The following KCND2 variants were observed in gnomAD, a reference collection of about 807,000 sequenced individuals.
KCND2 encodes the protein potassium voltage-gated channel subfamily D member 2.
A neutral mutation model predicts 54.4 loss-of-function variants in KCND2; 16 were observed. The ratio of observed to expected loss-of-function variants is 0.29; its 90% confidence interval spans 0.20 to 0.45. The LOEUF (loss-of-function observed/expected upper bound fraction) is 0.45, where lower values mean the gene tolerates loss of function less well. Ranked by LOEUF, KCND2 falls within the 20% of genes least tolerant of loss-of-function variation. The pLI is 1.00. For missense variants in KCND2, 486 were observed against 824.2 expected (o/e 0.59, Z 5.02); for synonymous variants, 317 against 310.7 (o/e 1.02, Z -0.21).
chr7:120,736,459 A>G (rs534987841), intron 2 of KCND2, among the ~76,000 whole-genome samples: 1 of 152,014 alleles, frequency 6.6e-6, no homozygotes, highest in African/African-American at 2.4e-5. Flanking sequence ...TACTATAAGT[A>G]TTTACTGAGT....
intron 1 of KCND2, among the ~76,000 whole-genome samples, chr7:120,289,034 A>G (rs1799390706): frequency 3.1e-5 from 1 of 31,842 alleles, no homozygotes; most frequent in African/African-American, 5.4e-5. Flanking sequence ...GGGCAGAGAC[A>G]CAAACACACA....
chr7:120,728,606 G>C (rs1251348310), intron 1 of KCND2, among the ~76,000 whole-genome samples: 1 of 151,880 alleles, frequency 6.6e-6, no homozygotes, highest in Non-Finnish European at 1.5e-5. Flanking sequence ...TTATGTTTTT[G>C]CGAATTCATT....
At position 120,365,677 on chromosome 7, in the gene KCND2, A is replaced by G. The variant is rs533942922; in HGVS notation, c.1115+89930A>G. Among the ~76,000 whole-genome samples the G allele has an allele frequency of 3.8e-4, 58 of 152,254 alleles. No individual in the cohort carries two copies. In the South Asian group the frequency reaches 0.012, roughly 32 times the overall value. On this transcript the variant is annotated intron_variant, in intron 1 of 5. Transcript: ENST00000331113. ...TTGAGATGTCAATCGTACAATTACT[A>G]AATACTTTTTGACGTGCATGGTTAA...
At chr7:120,667,942 A>G (rs1446321514) in intron 1 of KCND2, among the ~76,000 whole-genome samples, 1 of 152,034 alleles carries the variant, frequency 6.6e-6, no homozygotes, top group East Asian at 1.9e-4. Flanking sequence ...TTGTATTCTG[A>G]CAGCCCTAAC....
intron 1 of KCND2, among the ~76,000 whole-genome samples, chr7:120,538,279 C>T (rs1004679903): frequency 2.6e-5 from 4 of 152,090 alleles, no homozygotes; most frequent in African/African-American, 4.8e-5. Context: ...GGACACAATT[C>T]GTGACACCTG....
At chr7:120,616,968 A>G (rs1793033270) in intron 1 of KCND2, among the ~76,000 whole-genome samples, 1 of 152,192 alleles carries the variant, frequency 6.6e-6, no homozygotes, top group African/African-American at 2.4e-5. Context: ...CAAACAACTG[A>G]TCATTGGGGT....
In KCND2 at chr7:120,588,557, A is replaced by G. The variant is rs150028342; in HGVS notation, c.1116-144346A>G. ...GAAAGCTGCTTGTAGAAAGATAAGC[A>G]GAGCACTATTCACCCTGCTGTTTAC... On this transcript the variant is annotated intron_variant, in intron 1 of 5. Coordinates refer to ENST00000331113, the MANE Select transcript of KCND2 (RefSeq NM_012281.3). 4.4e-3 allele frequency among the ~76,000 whole-genome samples: 665 copies of G among 152,242 alleles called. 3 individuals are homozygous for G. The Middle Eastern group carries it at 0.048, about 11-fold the overall frequency.
At chr7:120,372,139 A>G (rs1222661614) in intron 1 of KCND2, among the ~76,000 whole-genome samples, 1 of 151,906 alleles carries the variant, frequency 6.6e-6, no homozygotes, top group African/African-American at 2.4e-5. Context: ...TTTTAGATAT[A>G]AGGTATAAGA....
At chr7:120,565,701 G>A (rs1792288222) in intron 1 of KCND2, among the ~76,000 whole-genome samples, 1 of 152,178 alleles carries the variant, frequency 6.6e-6, no homozygotes, top group Non-Finnish European at 1.5e-5. Flanking sequence ...AAAGTGTCAT[G>A]AGACTTCTTT....
At chr7:120,276,869 G>A (rs564728677) in intron 1 of KCND2, among the ~76,000 whole-genome samples, 1 of 152,098 alleles carries the variant, frequency 6.6e-6, no homozygotes, top group Non-Finnish European at 1.5e-5. Flanking sequence ...GGGGAGTGAT[G>A]TGAGTGCCTT....
chr7:120,348,779 G>C (rs1800360854), intron 1 of KCND2, among the ~76,000 whole-genome samples: 1 of 152,090 alleles, frequency 6.6e-6, no homozygotes, highest in African/African-American at 2.4e-5. Flanking sequence ...TTTACTTTTA[G>C]AAAAAGAATA....
intron 1 of KCND2, among the ~76,000 whole-genome samples, chr7:120,434,832 G>C (rs1024682297): frequency 1.3e-5 from 2 of 151,294 alleles, no homozygotes; most frequent in Non-Finnish European, 2.9e-5. Context: ...AAAAAAAATA[G>C]ACTTTTCCAG....
intron 1 of KCND2, among the ~76,000 whole-genome samples, chr7:120,629,038 C>T (rs752430046): frequency 6.6e-6 from 1 of 152,066 alleles, no homozygotes; most frequent in Non-Finnish European, 1.5e-5. Context: ...AAGGGGTTTA[C>T]GGAAGAACGC....
intron 1 of KCND2, among the ~76,000 whole-genome samples, chr7:120,338,475 A>C (rs1404206384): frequency 6.6e-6 from 1 of 152,002 alleles, no homozygotes; most frequent in African/African-American, 2.4e-5. Context: ...TTTAATGTGA[A>C]GATAGATTTT....
At chr7:120,692,043 A>C (rs1792276566) in intron 1 of KCND2, among the ~76,000 whole-genome samples, 1 of 152,188 alleles carries the variant, frequency 6.6e-6, no homozygotes, top group Non-Finnish European at 1.5e-5. Context: ...TTTTGGTGAA[A>C]TCATGGGGTA....
At chr7:120,495,061 T>C (rs1307155774) in intron 1 of KCND2, among the ~76,000 whole-genome samples, 1 of 152,206 alleles carries the variant, frequency 6.6e-6, no homozygotes, top group Admixed American at 6.5e-5. Flanking sequence ...TGAAATCATG[T>C]GCATTAATAA....
chr7:120,610,185 G>A (rs1792935143), intron 1 of KCND2, among the ~76,000 whole-genome samples: 1 of 152,128 alleles, frequency 6.6e-6, no homozygotes. Context: ...CTACAGGAAA[G>A]ATGATGAAAG....
chr7:120,745,877 A>G lies in KCND2; in HGVS notation c.1565A>G (p.Gln522Arg). The part of the protein sequence containing the change: ...PSSHSPSLSS[Q>R]QGVTSTCCSR... Reference sequence around the variant, plus strand: ...AGTCACAGTCCTTCACTGTCTTCACAACAAGGAGTCACCAGCACCTGCTGT... The same window carrying G: ...AGTCACAGTCCTTCACTGTCTTCACGACAAGGAGTCACCAGCACCTGCTGT... The change falls in exon 5 of 6, where the codon CAA becomes CGA. Residue 522 changes from glutamine to arginine, a missense_variant. Around this residue, in one of 7 missense-constraint regions of KCND2, gnomAD observed 202 missense variants for 252.7 expected, o/e 0.80. Coordinates refer to ENST00000331113, the MANE Select transcript of KCND2 (RefSeq NM_012281.3). The G allele has an allele frequency of 6.2e-7, 1 of 1,613,918 alleles. No homozygotes were observed. The highest frequency in any genetic ancestry group is 1.1e-5 in the South Asian group (1 of 91,090).
intron 1 of KCND2, among the ~76,000 whole-genome samples, chr7:120,287,207 A>G (rs1799358457): frequency 6.6e-6 from 1 of 152,098 alleles, no homozygotes; most frequent in South Asian, 2.1e-4. Context: ...TTATAAAGCA[A>G]AGTGATAATA....
Sources: gnomAD v4.1 joint callset for allele counts (sites outside exome capture counted in the v4.1 genomes callset) on GRCh38, gnomAD v4.1.1 for gene constraint, gnomAD v4.1.1 regional missense constraint, MANE v1.5 for transcripts, NCBI Gene and HGNC (gene_info 2026-07-23, HGNC 2026-07-21) for gene names.